Variants in SIRT5 observed in about 807,000 individuals in gnomAD.
The protein encoded by SIRT5 is NAD-dependent protein deacylase sirtuin-5, mitochondrial.
Under a neutral mutation model 40.0 loss-of-function variants are expected in SIRT5, and 26 were observed. The observed-to-expected ratio is 0.65, with a 90% CI of 0.48 to 0.90. The LOEUF (loss-of-function observed/expected upper bound fraction) is 0.90. Ranked by LOEUF, SIRT5 falls within the 40% of genes least tolerant of loss-of-function variation. SIRT5 has a pLI of 0.00. For synonymous variants in SIRT5, 146 were observed against 149.1 expected (o/e 0.98, Z 0.15); for missense variants, 401 against 402.4 (o/e 1.00, Z 0.03).
intron 2 of SIRT5, among the ~76,000 whole-genome samples, chr6:13,581,642 C>T (rs558587852): frequency 6.6e-6 from 1 of 152,284 alleles, no homozygotes; most frequent in African/African-American, 2.4e-5. Flanking sequence ...TATGGATAAA[C>T]CACAATTTGT....
chr6:13,576,274 T>C (rs543883251), intron 1 of SIRT5, among the ~76,000 whole-genome samples: 1 of 152,346 alleles, frequency 6.6e-6, no homozygotes, highest in Admixed American at 6.5e-5. Flanking sequence ...CCACCAACAG[T>C]GTACCAGGGT....
chr6:13,605,290 A>G (rs1039246898), intron 9 of SIRT5: 2 of 833,420 alleles, frequency 2.4e-6, no homozygotes, highest in African/African-American at 3.7e-5. Flanking sequence ...CTGCTTTTGC[A>G]TTAGGATGAC....
At chr6:13,594,309 T>C (rs753981581) in intron 5 of SIRT5, among the ~76,000 whole-genome samples, 1 of 152,120 alleles carries the variant, frequency 6.6e-6, no homozygotes, top group Non-Finnish European at 1.5e-5. Flanking sequence ...GATGTGAAAA[T>C]GGGGAAAAAT....
In SIRT5 at chr6:13,595,550, T is replaced by C; in HGVS notation, c.549T>C (p.Ala183=). 1 of 1,613,402 alleles carries C rather than the reference T, an allele frequency of 6.2e-7. No homozygotes were observed. Among genetic ancestry groups the C allele is most frequent in the Non-Finnish European group, 8.5e-7 (1 of 1,179,318 alleles). The change falls in exon 6 of 10, where the codon GCT becomes GCC. Residue 183 remains alanine (A), a synonymous_variant. Coordinates refer to ENST00000606117, the MANE Select transcript of SIRT5 (RefSeq NM_012241.5). ...AENYKSPICP[A]LSGKGAPEPG... ...ATTACAAGAGTCCAATTTGTCCAGCTTTATCAGGAAAAGGGTAATTATACC... is the reference window on the plus strand; with the variant it reads ...ATTACAAGAGTCCAATTTGTCCAGCCTTATCAGGAAAAGGGTAATTATACC...
At chr6:13,594,856 A>G (rs556952172) in intron 5 of SIRT5, among the ~76,000 whole-genome samples, 1 of 152,388 alleles carries the variant, frequency 6.6e-6, no homozygotes, top group South Asian at 2.1e-4. Flanking sequence ...GTTAGTATTA[A>G]CAATTACTTT....
intron 6 of SIRT5, 46 bp downstream of exon 6, chr6:13,595,610 T>C (rs893888985): frequency 2.2e-6 from 3 of 1,343,092 alleles, no homozygotes; most frequent in African/African-American, 1.4e-5. Flanking sequence ...TTTTCTCCTT[T>C]AGGTTGAACA....
chr6:13,575,157 G>T (rs1320567153), intron 1 of SIRT5, among the ~76,000 whole-genome samples: 2 of 152,176 alleles, frequency 1.3e-5, no homozygotes, highest in Non-Finnish European at 2.9e-5. Flanking sequence ...GCTCAGGCTT[G>T]CCCGCGTGGA....
rs1356728229 is a variant in SIRT5, at chr6:13,614,330, G to A, written c.*2465G>A. ...GGGATGGGGTAGGGGTAAGGTGCTT[G>A]AAATTTGCCTGGGTGGGAATTTTTG... is the stretch of plus-strand genomic sequence containing the variant. On this transcript the variant is annotated 3_prime_UTR_variant, in exon 10 of 10. Coordinates refer to ENST00000606117, the MANE Select transcript of SIRT5 (RefSeq NM_012241.5). The A allele has an allele frequency of 6.6e-6, 1 of 152,218 alleles. No individual in the cohort carries two copies. The highest frequency in any genetic ancestry group is 1.5e-5 in the Non-Finnish European group (1 of 68,044). The allele number at this position is 152,218 out of a possible 1,614,324, so 9.4% of individuals were successfully genotyped here.
chr6:13,604,325 T>G (rs987214003), intron 9 of SIRT5: 1 of 684,830 alleles, frequency 1.5e-6, no homozygotes, highest in African/African-American at 1.9e-5. Context: ...TTAGCATGAC[T>G]AAGCGTAGTA....
intron 2 of SIRT5, among the ~76,000 whole-genome samples, chr6:13,581,786 C>T (rs972156785): frequency 3.9e-5 from 6 of 152,128 alleles, no homozygotes; most frequent in African/African-American, 1.4e-4. Flanking sequence ...CACTCTGTGA[C>T]CACAATGGGT....
intron 2 of SIRT5, among the ~76,000 whole-genome samples, chr6:13,583,710 T>C (rs1333885893): frequency 1.3e-5 from 2 of 152,220 alleles, no homozygotes; most frequent in African/African-American, 4.8e-5. Context: ...AAATAGATGA[T>C]GGGGTCCACC....
Position 13,601,071 on chromosome 6 carries a change from T to C in SIRT5, c.857+122T>C, listed in dbSNP as rs1397390415. 5.9e-6 allele frequency: 4 copies of C among 680,420 alleles called. No homozygotes were observed. In the East Asian group the frequency reaches 1.2e-4, roughly 20 times the overall value. The allele number at this position is 680,420 out of a possible 1,614,324, so 42.1% of individuals were successfully genotyped here. ...GACATAGGGTTTGTGTTTTTTTGTTTGATCTGCAGTTGCTTTTATGGAAGA... is the reference window on the plus strand; with the variant it reads ...GACATAGGGTTTGTGTTTTTTTGTTCGATCTGCAGTTGCTTTTATGGAAGA... On this transcript the variant is annotated intron_variant, in intron 9 of 9. Coordinates refer to ENST00000606117, the MANE Select transcript of SIRT5 (RefSeq NM_012241.5).
chr6:13,609,140 A>T (rs1338488444), intron 9 of SIRT5, among the ~76,000 whole-genome samples: 1 of 152,230 alleles, frequency 6.6e-6, no homozygotes, highest in Non-Finnish European at 1.5e-5. Context: ...TATCCTTAAT[A>T]GATGAATGGG....
At chr6:13,601,784 G>A (rs768808851) in intron 9 of SIRT5, among the ~76,000 whole-genome samples, 2 of 151,466 alleles carry the variant, frequency 1.3e-5, no homozygotes, top group Non-Finnish European at 2.9e-5. Flanking sequence ...CTTCCTAGGT[G>A]ATTCCTGTGT....
chr6:13,576,667 A>G (rs1293821957), intron 1 of SIRT5, among the ~76,000 whole-genome samples: 1 of 152,144 alleles, frequency 6.6e-6, no homozygotes, highest in Non-Finnish European at 1.5e-5. Context: ...AGTTTGATGC[A>G]ATCCCATGTG....
chr6:13,600,811 A>G (rs1762274924), intron 8 of SIRT5, 23 bp from the exon 9 acceptor site: 1 of 1,553,718 alleles, frequency 6.4e-7, no homozygotes, highest in African/African-American at 1.4e-5. Flanking sequence ...CTGTTTGTTC[A>G]TCTCCGTGTA....
At position 13,599,085 on chromosome 6, in the gene SIRT5, G is replaced by C; in HGVS notation, c.671G>C (p.Gly224Ala). The C allele has an allele frequency of 6.2e-7, 1 of 1,614,110 alleles. No individual in the cohort carries two copies. Among genetic ancestry groups the C allele is most frequent in the South Asian group, 1.1e-5 (1 of 91,062 alleles). ...CTGCGACCTCACGTCGTGTGGTTTGGAGAAAACCTGGATCCTGCCATTCTG... is the reference window on the plus strand; with the variant it reads ...CTGCGACCTCACGTCGTGTGGTTTGCAGAAAACCTGGATCCTGCCATTCTG... ...GLLRPHVVWF[G>A]ENLDPAILEE... Residue 224 changes from glycine to alanine, a missense_variant, in exon 8 of 10, where the codon GGA (glycine) becomes GCA (alanine). By Grantham distance (60) the Gly-to-Ala change is moderately conservative. Transcript: ENST00000606117.
intron 6 of SIRT5, 91 bp downstream of exon 6, chr6:13,595,655 C>A: frequency 1.0e-6 from 1 of 997,062 alleles, no homozygotes; most frequent in Admixed American, 1.8e-5. Context: ...ATCAAAGATT[C>A]CCATGGATAT....
rs748829342 is a variant in SIRT5, at chr6:13,599,048, T to C, written c.634T>C (p.Cys212Arg). The change falls in exon 8 of 10, where the codon TGC becomes CGC. Residue 212 changes from cysteine to arginine, a missense_variant. Physicochemically the swap from Cys to Arg is radical, Grantham distance 180. Coordinates refer to ENST00000606117, the MANE Select transcript of SIRT5 (RefSeq NM_012241.5). ...EKLPRCEEAG[C>R]GGLLRPHVVW... is the part of the protein sequence containing the mutation. ...TTCTTCCAGGTGTGAAGAGGCAGGC[T>C]GCGGGGGCTTGCTGCGACCTCACGT... The C allele has an allele frequency of 3.7e-6, 6 of 1,613,974 alleles. No homozygotes were observed. The highest frequency in any genetic ancestry group is 5.1e-6 in the Non-Finnish European group (6 of 1,180,018).
Sources: allele counts gnomAD v4.1 joint callset (sites outside exome capture counted in the v4.1 genomes callset), GRCh38; gene constraint gnomAD v4.1.1; transcripts MANE v1.5; gene names NCBI Gene and HGNC (gene_info 2026-07-23, HGNC 2026-07-21).